Variants in RIMS1 observed in about 807,000 individuals in gnomAD.
RIMS1 encodes regulating synaptic membrane exocytosis 1.
In RIMS1, 83 loss-of-function variants were observed where a neutral mutation model predicts 214.1. That is an observed-to-expected ratio of 0.39 (90% confidence interval 0.32 to 0.47). The LOEUF is 0.47. Among genes scored for constraint, RIMS1 ranks in the 20% least tolerant of loss-of-function variants. The pLI is 0.99. For synonymous variants in RIMS1, 793 were observed against 786.8 expected, an observed-to-expected ratio of 1.01 and a Z score of -0.13; for missense variants, 2,050 against 2,161.8, an observed-to-expected ratio of 0.95 and a Z score of 1.03.
At chr6:72,204,121 A>G (rs1336793832) in intron 6 of RIMS1, among the ~76,000 whole-genome samples, 1 of 152,196 alleles carries the variant, frequency 6.6e-6, no homozygotes, top group Non-Finnish European at 1.5e-5. Context: ...TCTGCCTGGG[A>G]TAGCTCTGTA....
chr6:71,916,260 G>C (rs1226216214), intron 1 of RIMS1, among the ~76,000 whole-genome samples: 3 of 152,102 alleles, frequency 2.0e-5, no homozygotes, highest in Non-Finnish European at 4.4e-5. Context: ...GAGCTCCCAG[G>C]ATAGGTTTTC....
intron 29 of RIMS1, among the ~76,000 whole-genome samples, chr6:72,376,590 T>TA (rs2098386942): frequency 6.6e-6 from 1 of 151,904 alleles, no homozygotes; most frequent in East Asian, 1.9e-4. Flanking sequence ...TACAAAATCA[T>TA]ACAAAAATTA....
intron 29 of RIMS1, among the ~76,000 whole-genome samples, chr6:72,388,254 G>A (rs930695256): frequency 2.6e-5 from 4 of 152,166 alleles, no homozygotes; most frequent in African/African-American, 7.2e-5. Flanking sequence ...TCTGAATAAG[G>A]AGCAAGGCAA....
intron 2 of RIMS1, among the ~76,000 whole-genome samples, chr6:72,029,985 T>C (rs556786714): frequency 6.6e-6 from 1 of 152,254 alleles, no homozygotes; most frequent in African/African-American, 2.4e-5. Flanking sequence ...ACAATCTAGA[T>C]ACGATTTGGC....
intron 6 of RIMS1, among the ~76,000 whole-genome samples, chr6:72,214,796 G>A (rs7451395): frequency 0.48 from 72,612 of 151,428 alleles, 18,546 homozygotes; most frequent in East Asian, 0.83. Context: ...ATCTTGGCTC[G>A]TTGCAACCTC....
rs2045310954 is a variant in RIMS1, at chr6:72,160,978, C to T, written c.472-18597C>T. Among the ~76,000 whole-genome samples, 4 of 138,306 alleles carry T rather than the reference C, an allele frequency of 2.9e-5. 2 individuals are homozygous for T. The highest frequency in any genetic ancestry group is 6.5e-5 in the Non-Finnish European group (4 of 61,220). 90.7% of individuals were successfully genotyped at this position (138,306 alleles called of 152,430 possible). A position where few individuals can be genotyped will look rare whatever the true frequency, so the allele number is the denominator to read the frequency against. Reference sequence around the variant, plus strand: ...GAATGGTACCAGCTCATTCTTGTATCTTTGGTAGAATTTGGCTGTGAATCC... The same window carrying T: ...GAATGGTACCAGCTCATTCTTGTATTTTTGGTAGAATTTGGCTGTGAATCC... On this transcript the variant is annotated intron_variant, in intron 4 of 33. Coordinates refer to ENST00000521978, the MANE Select transcript of RIMS1 (RefSeq NM_014989.7).
Position 72,274,383 on chromosome 6 carries a change from C to A in RIMS1, c.3433C>A (p.Pro1145Thr). Residue 1145 changes from proline (P) to threonine (T), a missense_variant, in exon 23 of 34, where the codon CCT becomes ACT. Pro to Thr is a conservative substitution (Grantham distance 38, BLOSUM62 -1). Coordinates refer to ENST00000521978, the MANE Select transcript of RIMS1 (RefSeq NM_014989.7). Reference sequence around the variant, plus strand: ...GTCCCCCTCCCTAGATAGGAGACGACCTCCTAGTCCCAGGATTCAAATCCA... The same window carrying A: ...GTCCCCCTCCCTAGATAGGAGACGAACTCCTAGTCCCAGGATTCAAATCCA... ...RWSPSLDRRR[P>T]PSPRIQIQHA... is the part of the protein sequence containing the mutation. 1 of 1,613,066 alleles carries A rather than the reference C, an allele frequency of 6.2e-7. No homozygotes were observed. The highest frequency in any genetic ancestry group is 1.7e-4 in the Middle Eastern group (1 of 5,984).
At chr6:72,217,066 T>G (rs2056416113) in intron 6 of RIMS1, 1 of 1,483,780 alleles carries the variant, frequency 6.7e-7, no homozygotes, top group African/African-American at 1.4e-5. Flanking sequence ...CACAGGGAAT[T>G]TTATTTAAAA....
At chr6:71,887,542 T>C (rs1768147116) in intron 1 of RIMS1, among the ~76,000 whole-genome samples, 1 of 151,806 alleles carries the variant, frequency 6.6e-6, no homozygotes, top group African/African-American at 2.4e-5. Context: ...TGGGAGCAGG[T>C]TAGGGGGCAG....
At chr6:72,072,644 A>G (rs899594824) in intron 2 of RIMS1, among the ~76,000 whole-genome samples, 2 of 152,190 alleles carry the variant, frequency 1.3e-5, no homozygotes, top group African/African-American at 2.4e-5. Flanking sequence ...GGAAACCACA[A>G]TGCAAAGCAA....
At chr6:72,008,625 G>T (rs1808856039) in intron 2 of RIMS1, among the ~76,000 whole-genome samples, 1 of 152,128 alleles carries the variant, frequency 6.6e-6, no homozygotes, top group South Asian at 2.1e-4. Flanking sequence ...AAGGATGGAG[G>T]AAGATCTACC....
chr6:72,075,440 G>T (rs1213273353), intron 2 of RIMS1, among the ~76,000 whole-genome samples: 2 of 150,986 alleles, frequency 1.3e-5, no homozygotes, highest in Non-Finnish European at 3.0e-5. Context: ...AAAAGGGGGA[G>T]ATATCCTTCT....
At chr6:71,947,799 C>T (rs1253524891) in intron 1 of RIMS1, among the ~76,000 whole-genome samples, 8 of 152,006 alleles carry the variant, frequency 5.3e-5, no homozygotes, top group African/African-American at 1.9e-4. Flanking sequence ...TAAACATGTA[C>T]AATTTATACT....
intron 4 of RIMS1, among the ~76,000 whole-genome samples, chr6:72,116,318 G>A (rs1441747057): frequency 6.6e-6 from 1 of 151,934 alleles, no homozygotes; most frequent in Admixed American, 6.6e-5. Flanking sequence ...AGATGTTGGG[G>A]GAAGGGATGT....
chr6:71,944,272 G>A (rs185722009), intron 1 of RIMS1, among the ~76,000 whole-genome samples: 44 of 152,312 alleles, frequency 2.9e-4, no homozygotes, highest in Admixed American at 7.2e-4. Flanking sequence ...AGACTTGTAA[G>A]TGAATGCTGT....
intron 24 of RIMS1, 104 bp downstream of exon 24, chr6:72,284,222 A>G: frequency 1.1e-6 from 1 of 911,982 alleles, no homozygotes; most frequent in Non-Finnish European, 1.7e-6. Context: ...ACAAATTGTG[A>G]TGTTTAAAGG....
chr6:71,964,310 C>A (rs1268299713), intron 1 of RIMS1, among the ~76,000 whole-genome samples: 1 of 152,122 alleles, frequency 6.6e-6, no homozygotes, highest in Non-Finnish European at 1.5e-5. Context: ...CTGGCACTTC[C>A]TTGTGAGTAA....
intron 2 of RIMS1, among the ~76,000 whole-genome samples, chr6:72,029,606 T>G (rs1050852681): frequency 6.6e-6 from 1 of 152,166 alleles, no homozygotes. Context: ...AAATTTCTGT[T>G]ATTTATAAAT....
chr6:72,255,408 A>T (rs2075392706), intron 16 of RIMS1, among the ~76,000 whole-genome samples: 1 of 152,182 alleles, frequency 6.6e-6, no homozygotes, highest in Non-Finnish European at 1.5e-5. Context: ...AAAATGTTCT[A>T]CTACAGCCAA....
Sources: allele counts gnomAD v4.1 joint callset (sites outside exome capture counted in the v4.1 genomes callset), GRCh38; gene constraint gnomAD v4.1.1; transcripts MANE v1.5; gene names NCBI Gene and HGNC (gene_info 2026-07-23, HGNC 2026-07-21).